Variants in MMP26 observed in about 807,000 individuals in gnomAD.
MMP26 encodes matrix metalloproteinase-26.
In MMP26, 33 loss-of-function variants were observed where a neutral mutation model predicts 31.0. The observed-to-expected ratio is 1.06, with a 90% CI of 0.81 to 1.42. MMP26 has a LOEUF of 1.42. Among genes scored for constraint, MMP26 ranks in the 40% most tolerant of loss-of-function variants. MMP26 has a pLI of 0.00. For synonymous variants in MMP26, 122 were observed against 114.9 expected, an observed-to-expected ratio of 1.06 and a Z score of -0.40; for missense variants, 347 against 316.1, an observed-to-expected ratio of 1.10 and a Z score of -0.74.
rs181888020 is a variant in MMP26, at chr11:4,987,407, G to T, written c.-144-661G>T. On this transcript the variant is annotated intron_variant, in intron 2 of 7. Transcript: ENST00000380390. Reference sequence around the variant, plus strand: ...GATTTTTTTTGTTTTGTTTTTTGTGGTTTTTTTTTGTTTTTTGTTTTTTGT... The same window carrying T: ...GATTTTTTTTGTTTTGTTTTTTGTGTTTTTTTTTTGTTTTTTGTTTTTTGT... Among the ~76,000 whole-genome samples the T allele has an allele frequency of 2.3e-3, 334 of 142,448 alleles. 4 individuals carry two copies. Among genetic ancestry groups the T allele is most frequent in the Admixed American group, 0.018 (267 of 14,534 alleles). 93.5% of individuals were successfully genotyped at this position (142,448 alleles called of 152,430 possible).
chr11:4,882,030 A>T lies in MMP26; in HGVS notation c.-144-106038A>T, dbSNP rs1850473444. ...CTCTACACCATTGCCCTCTTGGGAA[A>T]CAGTATGATCTTTCTTGTCATCATT... is the stretch of plus-strand genomic sequence containing the variant. On this transcript the variant is annotated intron_variant, in intron 2 of 7. Transcript: ENST00000380390. 2 of 1,613,812 alleles carry T rather than the reference A, an allele frequency of 1.2e-6. No homozygotes were observed.
chr11:4,966,668 G>T (rs1000040047), intron 2 of MMP26, among the ~76,000 whole-genome samples: 1 of 152,130 alleles, frequency 6.6e-6, no homozygotes, highest in Non-Finnish European at 1.5e-5. Flanking sequence ...TGTGAACAAC[G>T]TTAGTTCATT....
intron 2 of MMP26, among the ~76,000 whole-genome samples, chr11:4,785,523 T>G (rs1848929637): frequency 6.6e-6 from 1 of 152,200 alleles, no homozygotes; most frequent in Non-Finnish European, 1.5e-5. Flanking sequence ...TGGGTATTTC[T>G]CATGCCTACT....
intron 1 of MMP26, among the ~76,000 whole-genome samples, chr11:4,745,806 A>G (rs1156233097): frequency 6.6e-6 from 1 of 152,168 alleles, no homozygotes; most frequent in Non-Finnish European, 1.5e-5. Context: ...GATTTTTATA[A>G]TATCTCCAAA....
At chr11:4,944,200 G>A in intron 2 of MMP26, 2 of 416,216 alleles carry the variant, frequency 4.8e-6, no homozygotes, top group East Asian at 7.4e-5. Context: ...TCTACACTAG[G>A]ATAGGTTTGT....
intron 2 of MMP26, among the ~76,000 whole-genome samples, chr11:4,842,122 A>G (rs1180054685): frequency 6.6e-6 from 1 of 152,212 alleles, no homozygotes; most frequent in Non-Finnish European, 1.5e-5. Context: ...ATAAAAAATA[A>G]TAGCTACATC....
At chr11:4,825,585 A>T (rs1849568391) in intron 2 of MMP26, among the ~76,000 whole-genome samples, 1 of 152,136 alleles carries the variant, frequency 6.6e-6, no homozygotes, top group Non-Finnish European at 1.5e-5. Context: ...TAATCTTTAG[A>T]TGTTTTAGGT....
At chr11:4,735,380 G>A (rs142158910) in intron 1 of MMP26, among the ~76,000 whole-genome samples, 46 of 151,948 alleles carry the variant, frequency 3.0e-4, no homozygotes, top group African/African-American at 1.0e-3. Context: ...ATGCGTGCAT[G>A]TGTGTGTGTG....
At chr11:4,757,599 A>G (rs1046789948) in intron 1 of MMP26, among the ~76,000 whole-genome samples, 1 of 150,420 alleles carries the variant, frequency 6.6e-6, no homozygotes, top group Non-Finnish European at 1.5e-5. Flanking sequence ...AAAGAACTCA[A>G]TAAAGAGACA....
chr11:4,921,579 T>C (rs1472762875), intron 2 of MMP26, among the ~76,000 whole-genome samples: 1 of 152,186 alleles, frequency 6.6e-6, no homozygotes, highest in African/African-American at 2.4e-5. Flanking sequence ...GTTTCACTTG[T>C]GTGAGCATGT....
At chr11:4,990,524 A>G (rs1207117007) in intron 4 of MMP26, 74 bp from the exon 5 acceptor site, 5 of 1,381,510 alleles carry the variant, frequency 3.6e-6, no homozygotes, top group Non-Finnish European at 4.9e-6. Flanking sequence ...TCCCCAAAGT[A>G]GAATTATTCA....
At chr11:4,983,491 C>G (rs1846843988) in intron 2 of MMP26, among the ~76,000 whole-genome samples, 1 of 152,162 alleles carries the variant, frequency 6.6e-6, no homozygotes, top group Admixed American at 6.5e-5. Flanking sequence ...AGTCTGATAT[C>G]TTCAAAATTA....
Position 4,757,119 on chromosome 11 carries a change from T to G in MMP26, c.-216-10151T>G, listed in dbSNP as rs1025687133. Among the ~76,000 whole-genome samples the G allele has an allele frequency of 3.0e-4, 45 of 152,098 alleles. 1 individual carries two copies. Among genetic ancestry groups the G allele is most frequent in the Admixed American group, 2.0e-4 (3 of 15,264 alleles). On this transcript the variant is annotated intron_variant, in intron 1 of 7. Coordinates refer to ENST00000380390, the MANE Select transcript of MMP26 (RefSeq NM_021801.5). The stretch of plus-strand genomic sequence containing the variant: ...ACCAATGCAATTAAGACACATAGCA[T>G]GAGGACAGTCATACAGATTAATAGG...
chr11:4,857,988 C>T (rs1850081709), intron 2 of MMP26, among the ~76,000 whole-genome samples: 2 of 152,132 alleles, frequency 1.3e-5, no homozygotes, highest in Admixed American at 1.3e-4. Flanking sequence ...ATGATTATCT[C>T]AATAGATGCA....
At chr11:4,940,873 C>G (rs1040783876) in intron 2 of MMP26, among the ~76,000 whole-genome samples, 1 of 152,074 alleles carries the variant, frequency 6.6e-6, no homozygotes, top group African/African-American at 2.4e-5. Context: ...GTTGTTTTAG[C>G]GTCCCAAGTT....
chr11:4,990,482 C>A lies in MMP26; in HGVS notation c.321-116C>A, dbSNP rs78020136. ...GAAATTAGCTCAACTTTATAAATAA[C>A]CAAAATGAGTCCTAAAACTATTAAA... On this transcript the variant is annotated intron_variant, in intron 4 of 7. Coordinates refer to ENST00000380390, the MANE Select transcript of MMP26 (RefSeq NM_021801.5). 1,599 of 1,008,408 alleles carry A rather than the reference C, an allele frequency of 1.6e-3. 16 individuals are homozygous for A. The African/African-American group carries it at 0.023, about 15-fold the overall frequency. 62.5% of individuals were successfully genotyped at this position (1,008,408 alleles called of 1,614,324 possible). A position where few individuals can be genotyped will look rare whatever the true frequency, so the allele number is the denominator to read the frequency against.
Position 4,866,882 on chromosome 11 carries a change from G to T in MMP26, c.-145+99541G>T, listed in dbSNP as rs192221839. On this transcript the variant is annotated intron_variant, in intron 2 of 7. Transcript: ENST00000380390. Reference sequence around the variant, plus strand: ...GTGCTGGGGGAACTGGCAGGCCATAGGCAGAAAACTGAAACTGGACCCCTT... The same window carrying T: ...GTGCTGGGGGAACTGGCAGGCCATATGCAGAAAACTGAAACTGGACCCCTT... Among the ~76,000 whole-genome samples the T allele has an allele frequency of 5.3e-4, 80 of 152,060 alleles. No individual in the cohort carries two copies. In the Middle Eastern group the frequency reaches 0.01, roughly 19 times the overall value.
intron 2 of MMP26, among the ~76,000 whole-genome samples, chr11:4,807,567 C>T (rs1189955940): frequency 5.4e-5 from 7 of 130,016 alleles, no homozygotes; most frequent in Admixed American, 1.0e-4. Flanking sequence ...AGTTGAACAA[C>T]GAGAACACAT....
At chr11:4,882,035 A>T (rs905371915) in intron 2 of MMP26, 1 of 1,613,876 alleles carries the variant, frequency 6.2e-7, no homozygotes, top group Non-Finnish European at 8.5e-7. Context: ...GGGAAACAGT[A>T]TGATCTTTCT....
Sources: allele counts gnomAD v4.1 joint callset (sites outside exome capture counted in the v4.1 genomes callset), GRCh38; gene constraint gnomAD v4.1.1; transcripts MANE v1.5; gene names NCBI Gene and HGNC (gene_info 2026-07-23, HGNC 2026-07-21).